The following ATP5F1C variants were observed in gnomAD, a reference collection of about 807,000 sequenced individuals.
ATP5F1C encodes ATP synthase F1 subunit gamma.
In ATP5F1C, 22 loss-of-function variants were observed where a neutral mutation model predicts 37.4. That is an observed-to-expected ratio of 0.59 (90% CI 0.42 to 0.84). The LOEUF (loss-of-function observed/expected upper bound fraction) is 0.84, where lower values mean the gene tolerates loss of function less well. Among genes scored for constraint, ATP5F1C ranks in the 40% least tolerant of loss-of-function variants. The pLI, the probability that ATP5F1C is intolerant of heterozygous loss-of-function variation, is 0.00. For missense variants in ATP5F1C, 286 were observed against 362.4 expected (o/e 0.79, Z 1.71); for synonymous variants, 121 against 128.0 (o/e 0.95, Z 0.37).
chr10:7,805,608 G>A (rs1223769101), intron 8 of ATP5F1C, among the ~76,000 whole-genome samples: 3 of 151,926 alleles, frequency 2.0e-5, no homozygotes, highest in Non-Finnish European at 4.4e-5. Flanking sequence ...TTAGCTGGGC[G>A]TGGTGGTGGG....
chr10:7,791,694 G>A (rs1836167217), intron 1 of ATP5F1C, among the ~76,000 whole-genome samples: 1 of 152,110 alleles, frequency 6.6e-6, no homozygotes, highest in African/African-American at 2.4e-5. Context: ...CTCCTCATTT[G>A]CAAAACTTTT....
At chr10:7,796,204 T>A in intron 2 of ATP5F1C, 49 bp downstream of exon 2, 1 of 1,492,424 alleles carries the variant, frequency 6.7e-7, no homozygotes, top group Non-Finnish European at 9.1e-7. Flanking sequence ...AACTAAATTT[T>A]GACAAATACA....
At chr10:7,806,183 A>G (rs912787451) in intron 8 of ATP5F1C, among the ~76,000 whole-genome samples, 2 of 152,276 alleles carry the variant, frequency 1.3e-5, no homozygotes, top group Non-Finnish European at 2.9e-5. Flanking sequence ...ATTGCTTGTG[A>G]ATGGGTTTGC....
intron 8 of ATP5F1C, among the ~76,000 whole-genome samples, chr10:7,804,554 CCTTT>C (rs1836436894): frequency 6.6e-6 from 1 of 152,218 alleles, no homozygotes; most frequent in Non-Finnish European, 1.5e-5. Flanking sequence ...CTGGGGGAAT[CCTTT>C]CTTCCAGAAA....
At chr10:7,799,619 G>T (rs1244425) in intron 4 of ATP5F1C, 153 bp from the exon 5 acceptor site, 282,722 of 782,808 alleles carry the variant, frequency 0.36, 51,669 homozygotes, top group South Asian at 0.43. Context: ...GGAAAGGAAT[G>T]ATGATAGTGT....
intron 6 of ATP5F1C, among the ~76,000 whole-genome samples, chr10:7,800,440 C>T (rs1158933157): frequency 2.0e-5 from 3 of 151,922 alleles, no homozygotes; most frequent in Non-Finnish European, 4.4e-5. Flanking sequence ...CGTGATCCAC[C>T]CGCCTCGGCC....
intron 1 of ATP5F1C, among the ~76,000 whole-genome samples, chr10:7,794,407 A>C (rs1836205667): frequency 6.6e-6 from 1 of 152,094 alleles, no homozygotes; most frequent in Admixed American, 6.6e-5. Context: ...ATGATACTGA[A>C]GAAGAGTGAT....
In ATP5F1C at chr10:7,788,199, G is replaced by C. The variant is rs762920260; in HGVS notation, c.-9G>C. ...TGCCTGACCGACCTTCAGCAGGGCT[G>C]TGGCTACCATGTTCTCTCGCGCGGG... On this transcript the variant is annotated 5_prime_UTR_variant, in exon 1 of 10. Coordinates refer to ENST00000356708, the MANE Select transcript of ATP5F1C (RefSeq NM_001001973.3). 3.1e-6 allele frequency: 5 copies of C among 1,613,066 alleles called. No homozygotes were observed. The highest frequency in any genetic ancestry group is 4.2e-6 in the Non-Finnish European group (5 of 1,179,918).
At chr10:7,804,263 C>G in intron 8 of ATP5F1C, 2 of 511,784 alleles carry the variant, frequency 3.9e-6, no homozygotes, top group South Asian at 2.8e-5. Flanking sequence ...AGGAAAATAA[C>G]AAAATCCATT....
At chr10:7,793,842 G>A (rs1026817145) in intron 1 of ATP5F1C, among the ~76,000 whole-genome samples, 1 of 152,166 alleles carries the variant, frequency 6.6e-6, no homozygotes, top group Non-Finnish European at 1.5e-5. Flanking sequence ...GCATATTAGT[G>A]TCCAGTTGTT....
chr10:7,789,410 A>G (rs1836119898), intron 1 of ATP5F1C, among the ~76,000 whole-genome samples: 1 of 152,206 alleles, frequency 6.6e-6, no homozygotes, highest in Non-Finnish European at 1.5e-5. Context: ...TTAGCCACAT[A>G]AAATTTTTGG....
chr10:7,795,994 C>T, intron 1 of ATP5F1C, 127 bp from the exon 2 acceptor site: 1 of 695,174 alleles, frequency 1.4e-6, no homozygotes, highest in Non-Finnish European at 2.4e-6. Context: ...CATTCTGAGT[C>T]CTGTATTTGA....
chr10:7,788,360 G>A (rs958641129), intron 1 of ATP5F1C, 97 bp downstream of exon 1: 3 of 1,494,870 alleles, frequency 2.0e-6, no homozygotes, highest in African/African-American at 2.8e-5. Flanking sequence ...GCAGATGTGG[G>A]GTCGCAGGGC....
intron 1 of ATP5F1C, 126 bp downstream of exon 1, chr10:7,788,389 C>A: frequency 7.5e-7 from 1 of 1,337,228 alleles, no homozygotes; most frequent in Non-Finnish European, 1.0e-6. Context: ...GCCCCTGGCC[C>A]GTCGGAGGCG....
chr10:7,800,486 C>CTTTTGT, intron 6 of ATP5F1C, among the ~76,000 whole-genome samples: 1 of 144,784 alleles, frequency 6.9e-6, no homozygotes. Context: ...TGAGCCCAGC[C>CTTTTGT]TTTTATTTTT....
chr10:7,804,778 C>CAT, intron 8 of ATP5F1C, among the ~76,000 whole-genome samples: 1 of 152,288 alleles, frequency 6.6e-6, no homozygotes, highest in Middle Eastern at 3.4e-3. Flanking sequence ...AATGAAATGC[C>CAT]ATATGTATTC....
At chr10:7,792,685 G>A (rs1299930540) in intron 1 of ATP5F1C, among the ~76,000 whole-genome samples, 1 of 152,078 alleles carries the variant, frequency 6.6e-6, no homozygotes, top group African/African-American at 2.4e-5. Flanking sequence ...TAACTTAATA[G>A]CTCCTTTGTG....
chr10:7,798,033 T>C (rs1482767322), intron 3 of ATP5F1C, among the ~76,000 whole-genome samples: 1 of 152,194 alleles, frequency 6.6e-6, no homozygotes, highest in Admixed American at 6.5e-5. Context: ...CTCTTAACTT[T>C]TTTATGATCA....
chr10:7,804,667 T>A (rs1836439650), intron 8 of ATP5F1C, among the ~76,000 whole-genome samples: 1 of 152,232 alleles, frequency 6.6e-6, no homozygotes, highest in African/African-American at 2.4e-5. Flanking sequence ...TGGCTTTTTA[T>A]TTGTCTGTGT....
Sources: allele counts gnomAD v4.1 joint callset (sites outside exome capture counted in the v4.1 genomes callset), GRCh38; gene constraint gnomAD v4.1.1; transcripts MANE v1.5; gene names NCBI Gene and HGNC (gene_info 2026-07-23, HGNC 2026-07-21).